The following POR variants were observed in gnomAD, a reference collection of about 807,000 sequenced individuals.
POR encodes cytochrome p450 oxidoreductase.
A neutral mutation model predicts 84.0 loss-of-function variants in POR; 56 were observed. That is an observed-to-expected ratio of 0.67 (90% CI 0.54 to 0.83). POR has a LOEUF of 0.83. POR is among the 40% of genes least tolerant of loss of function. POR has a pLI of 0.00. For missense variants in POR, 938 were observed against 944.3 expected (o/e 0.99, Z 0.09); for synonymous variants, 414 against 400.5 (o/e 1.03, Z -0.40).
Position 75,983,910 on chromosome 7 carries a change from C to G in POR, c.1066+54C>G, listed in dbSNP as rs1789237752. On this transcript the variant is annotated intron_variant, in intron 10 of 15. Coordinates refer to ENST00000461988, the MANE Select transcript of POR (RefSeq NM_000941.3). ...GGGCTCAGGCAGCCGCGGGATTGGGCCTGTAGGAAGGCCCTGGGTTGAGCT... is the reference window on the plus strand; with the variant it reads ...GGGCTCAGGCAGCCGCGGGATTGGGGCTGTAGGAAGGCCCTGGGTTGAGCT... 8.5e-6 allele frequency: 12 copies of G among 1,416,602 alleles called. No individual in the cohort carries two copies. The Admixed American group carries it at 2.3e-4, about 27-fold the overall frequency. The allele number at this position is 1,416,602 out of a possible 1,614,324, so 87.8% of individuals were successfully genotyped here. A position where few individuals can be genotyped will look rare whatever the true frequency, so the allele number is the denominator to read the frequency against.
At chr7:75,949,793 T>C (rs1585101530) in intron 1 of POR, among the ~76,000 whole-genome samples, 1 of 151,994 alleles carries the variant, frequency 6.6e-6, no homozygotes, top group Non-Finnish European at 1.5e-5. Flanking sequence ...GTGCTGGGAT[T>C]ACAGGTGTGA....
intron 3 of POR, among the ~76,000 whole-genome samples, chr7:75,978,116 T>A (rs1554557104): frequency 6.6e-6 from 1 of 152,220 alleles, no homozygotes; most frequent in Admixed American, 6.5e-5. Context: ...GAATGCCCCA[T>A]TTAGGGACCC....
At chr7:75,985,417 C>G in intron 12 of POR, 162 bp from the exon 13 acceptor site, 1 of 1,137,960 alleles carries the variant, frequency 8.8e-7, no homozygotes, top group Non-Finnish European at 1.2e-6. Flanking sequence ...GTCCCCAGAA[C>G]CAGTCCGGGA....
At chr7:75,981,237 G>C in intron 6 of POR, 65 bp downstream of exon 6, 1 of 1,472,322 alleles carries the variant, frequency 6.8e-7, no homozygotes, top group South Asian at 1.4e-5. Flanking sequence ...GGAACGTGAG[G>C]GGCGCGCACA....
intron 3 of POR, among the ~76,000 whole-genome samples, chr7:75,978,852 A>G (rs1050745466): frequency 9.9e-5 from 15 of 151,914 alleles, no homozygotes; most frequent in South Asian, 2.1e-4. Flanking sequence ...GCTGGAGTGC[A>G]GTGGCGTGTT....
Position 75,958,464 on chromosome 7 carries a change from C to T in POR, c.188+4284C>T, listed in dbSNP as rs574493526. ...TTTATTAATACCATCTCCAGTCTTACAAGAGCCCTTCCACGAAGACATGAG... is the reference window on the plus strand; with the variant it reads ...TTTATTAATACCATCTCCAGTCTTATAAGAGCCCTTCCACGAAGACATGAG... On this transcript the variant is annotated intron_variant, in intron 2 of 15. Transcript: ENST00000461988. Among the ~76,000 whole-genome samples the T allele has an allele frequency of 2.6e-5, 4 of 152,156 alleles. No individual in the cohort carries two copies. The South Asian group carries it at 8.3e-4, about 32-fold the overall frequency.
chr7:75,923,116 T>C (rs1554549049), intron 1 of POR: 4 of 845,012 alleles, frequency 4.7e-6, no homozygotes, highest in Middle Eastern at 3.3e-4. Flanking sequence ...TATGTAACCT[T>C]ATGTGACCTG....
chr7:75,941,088 G>A (rs1807958454), intron 1 of POR, among the ~76,000 whole-genome samples: 1 of 152,200 alleles, frequency 6.6e-6, no homozygotes, highest in Non-Finnish European at 1.5e-5. Flanking sequence ...AGGATGGCTT[G>A]AGGCCAGGAG....
intron 1 of POR, among the ~76,000 whole-genome samples, chr7:75,920,632 G>A (rs1296684163): frequency 2.0e-5 from 3 of 152,092 alleles, no homozygotes; most frequent in African/African-American, 7.2e-5. Flanking sequence ...CTGCGGTGGT[G>A]ATGCCGGTGT....
At position 75,945,791 on chromosome 7, in the gene POR, T is replaced by C. The variant is rs553267688; in HGVS notation, c.-4-8198T>C. Among the ~76,000 whole-genome samples the C allele has an allele frequency of 7.2e-5, 11 of 152,326 alleles. No individual in the cohort carries two copies. In the East Asian group the frequency reaches 1.9e-3, roughly 27 times the overall value. Reference sequence around the variant, plus strand: ...TATTCTTTCCTTTCTTGTTACTGCTTTGATTGGGGTGTCTGACTCACCCCA... The same window carrying C: ...TATTCTTTCCTTTCTTGTTACTGCTCTGATTGGGGTGTCTGACTCACCCCA... On this transcript the variant is annotated intron_variant, in intron 1 of 15. Coordinates refer to ENST00000461988, the MANE Select transcript of POR (RefSeq NM_000941.3).
At chr7:75,928,357 T>C (rs111276907) in intron 1 of POR, among the ~76,000 whole-genome samples, 2,038 of 152,314 alleles carry the variant, frequency 0.013, 44 homozygotes, top group African/African-American at 0.042. Context: ...TTCCCTGTCA[T>C]CTTGAGCTAG....
intron 1 of POR, among the ~76,000 whole-genome samples, chr7:75,942,802 G>A (rs1009483822): frequency 1.6e-4 from 25 of 151,882 alleles, no homozygotes; most frequent in Admixed American, 1.6e-3. Context: ...TGACTTTACC[G>A]CAATATAAGT....
chr7:75,965,004 G>A (rs1379078758), intron 2 of POR, among the ~76,000 whole-genome samples: 3 of 151,316 alleles, frequency 2.0e-5, no homozygotes, highest in African/African-American at 7.3e-5. Flanking sequence ...GCAACGGAGC[G>A]AACCCCGTCT....
rs1554558806 is a variant in POR at position 75,984,924 on chromosome 7, T to A, written c.1214T>A (p.Leu405Gln). The A allele has an allele frequency of 6.2e-7, 1 of 1,603,262 alleles. No homozygotes were observed. Among genetic ancestry groups the A allele is most frequent in the Non-Finnish European group, 8.5e-7 (1 of 1,172,550 alleles). The stretch of plus-strand genomic sequence containing the variant: ...TCGGAGCCCTCGGAGCAGGAGCTGC[T>A]GCGCAAGATGGCCTCCTCCTCCGGC... The change falls in exon 11 of 16, where the codon CTG becomes CAG. Residue 405 changes from leucine to glutamine, a missense_variant. By Grantham distance (113) the Leu-to-Gln change is moderately radical. Coordinates refer to ENST00000461988, the MANE Select transcript of POR (RefSeq NM_000941.3).
chr7:75,985,889 G>T (rs1554559226), intron 13 of POR, 34 bp from the exon 14 acceptor site: 1 of 1,557,326 alleles, frequency 6.4e-7, no homozygotes, highest in Admixed American at 1.9e-5. Context: ...TGACGACTGG[G>T]AGCCCCGCGC....
intron 1 of POR, among the ~76,000 whole-genome samples, chr7:75,936,732 G>A (rs949058111): frequency 5.9e-5 from 9 of 151,934 alleles, no homozygotes; most frequent in Non-Finnish European, 1.2e-4. Flanking sequence ...TTGCCCCTGC[G>A]CTGGAGGCAG....
chr7:75,983,660 CT>C (rs782344365), intron 9 of POR, 24 bp downstream of exon 9: 11 of 1,609,646 alleles, frequency 6.8e-6, no homozygotes, highest in East Asian at 2.2e-5. Context: ...CTGTCACCCC[CT>C]GAACCCTCAC....
At chr7:75,948,239 C>T (rs1183630969) in intron 1 of POR, among the ~76,000 whole-genome samples, 14 of 152,226 alleles carry the variant, frequency 9.2e-5, no homozygotes, top group Non-Finnish European at 1.5e-4. Flanking sequence ...GTCCTTCCCA[C>T]CGCACCTGTC....
intron 1 of POR, among the ~76,000 whole-genome samples, chr7:75,948,398 AG>A (rs1554552364): frequency 1.3e-5 from 2 of 152,194 alleles, no homozygotes; most frequent in Admixed American, 6.5e-5. Flanking sequence ...TGTTGGCTGC[AG>A]GAAGTCAGTC....
Sources: allele counts gnomAD v4.1 joint callset (sites outside exome capture counted in the v4.1 genomes callset), GRCh38; gene constraint gnomAD v4.1.1; transcripts MANE v1.5; gene names NCBI Gene and HGNC (gene_info 2026-07-23, HGNC 2026-07-21).